The following NRG2 variants were observed in gnomAD, a reference collection of about 807,000 sequenced individuals.
The protein encoded by NRG2 is neuregulin 2.
In NRG2, 27 loss-of-function variants were observed where a neutral mutation model predicts 73.9. That is an observed-to-expected ratio of 0.37 (90% CI 0.27 to 0.50). The LOEUF is 0.50. Ranked by LOEUF, NRG2 falls within the 20% of genes least tolerant of loss-of-function variation. The pLI, the probability that NRG2 is intolerant of heterozygous loss-of-function variation, is 0.96. For synonymous variants in NRG2, 532 were observed against 541.0 expected (o/e 0.98, Z 0.23); for missense variants, 1,126 against 1,210.1 (o/e 0.93, Z 1.03).
intron 1 of NRG2, among the ~76,000 whole-genome samples, chr5:140,014,442 G>T (rs1393501189): frequency 6.6e-6 from 1 of 152,026 alleles, no homozygotes; most frequent in African/African-American, 2.4e-5. Flanking sequence ...TTGCCATGTT[G>T]CCCAGGCTGG....
At chr5:139,959,313 C>T (rs1754887234) in intron 1 of NRG2, among the ~76,000 whole-genome samples, 1 of 152,222 alleles carries the variant, frequency 6.6e-6, no homozygotes, top group Non-Finnish European at 1.5e-5. Flanking sequence ...GATTCTCCTG[C>T]CTCAGCCTCC....
At chr5:139,936,439 C>T (rs1053069424) in intron 1 of NRG2, among the ~76,000 whole-genome samples, 1 of 152,114 alleles carries the variant, frequency 6.6e-6, no homozygotes, top group Non-Finnish European at 1.5e-5. Flanking sequence ...AAAGGAACTA[C>T]TAATACTCAC....
At chr5:140,038,087 G>A (rs1761643948) in intron 1 of NRG2, among the ~76,000 whole-genome samples, 1 of 151,808 alleles carries the variant, frequency 6.6e-6, no homozygotes, top group Non-Finnish European at 1.5e-5. Context: ...TGAATTTTGA[G>A]CCATATAAAT....
intron 1 of NRG2, among the ~76,000 whole-genome samples, chr5:139,971,728 CT>C (rs781489925): frequency 1.3e-5 from 2 of 152,154 alleles, no homozygotes; most frequent in Non-Finnish European, 2.9e-5. Flanking sequence ...CGTGCAGGAT[CT>C]ATCAATAGAA....
chr5:140,042,821 G>T lies in NRG2; in HGVS notation c.249C>A (p.Ala83=), dbSNP rs1762044143. 6.7e-7 allele frequency: 1 copy of T among 1,496,986 alleles called. No individual in the cohort carries two copies. The allele number at this position is 1,496,986 out of a possible 1,614,324, so 92.7% of individuals were successfully genotyped here. Residue 83 remains alanine (A), a synonymous_variant, in exon 1 of 10, where the codon GCC becomes GCA. Transcript: ENST00000361474. ...PRSPAARRAA[A]RSRAAAAGGM... ...CGCCGGCGGCTGCGGCTCGCGAACG[G>T]GCGGCGGCTCTCCGGGCTGCGGGGC...
intron 1 of NRG2, 47 bp downstream of exon 1, chr5:140,042,323 A>T (rs1266584609): frequency 1.0e-6 from 1 of 976,634 alleles, no homozygotes; most frequent in South Asian, 2.8e-5. Flanking sequence ...ATTCTCCACC[A>T]CCTCGCCCCT....
At chr5:139,875,213 A>G (rs1020628860) in intron 3 of NRG2, among the ~76,000 whole-genome samples, 3 of 152,096 alleles carry the variant, frequency 2.0e-5, no homozygotes, top group African/African-American at 7.2e-5. Flanking sequence ...GGGTTTCACC[A>G]TGTTGGCCAG....
chr5:140,033,142 G>T (rs796844504), intron 1 of NRG2, among the ~76,000 whole-genome samples: 1 of 152,266 alleles, frequency 6.6e-6, no homozygotes, highest in African/African-American at 2.4e-5. Flanking sequence ...GAAGCCACCA[G>T]ATATATTACA....
chr5:139,848,493 TC>T lies in NRG2; in HGVS notation c.1976del (p.Gly659AspfsTer107). 8.7e-7 allele frequency: 1 copy of T among 1,148,348 alleles called. No homozygotes were observed. The highest frequency in any genetic ancestry group is 1.1e-6 in the Non-Finnish European group (1 of 924,870). 71.1% of individuals were successfully genotyped at this position (1,148,348 alleles called of 1,614,324 possible). A position where few individuals can be genotyped will look rare whatever the true frequency, so the allele number is the denominator to read the frequency against. On this transcript the variant is annotated frameshift_variant, in exon 10 of 10. Coordinates refer to ENST00000361474, the MANE Select transcript of NRG2 (RefSeq NM_004883.3). LOFTEE classifies it high-confidence loss of function. ...RHPAPPGPGP[G>X]PGPGPGPGAD... ...CGCCGGGCCCGGGCCCGGGCCCGGG[TC>T]CGGGTCCCGGGCCGGGGGGCGCCGG...
intron 1 of NRG2, among the ~76,000 whole-genome samples, chr5:139,989,492 T>C (rs933571905): frequency 6.6e-5 from 10 of 152,038 alleles, no homozygotes; most frequent in South Asian, 2.1e-4. Context: ...ACCTGAATCC[T>C]CACTCCCTTG....
intron 1 of NRG2, among the ~76,000 whole-genome samples, chr5:139,946,345 A>G (rs985715756): frequency 3.9e-5 from 6 of 152,112 alleles, no homozygotes; most frequent in Admixed American, 2.6e-4. Context: ...AGGATATAAA[A>G]GTAATGTAAT....
chr5:139,939,492 C>G (rs965490994), intron 1 of NRG2, among the ~76,000 whole-genome samples: 6 of 152,074 alleles, frequency 3.9e-5, no homozygotes, highest in Non-Finnish European at 7.4e-5. Context: ...CCAGGCTGGT[C>G]TTGAACTCCT....
intron 1 of NRG2, among the ~76,000 whole-genome samples, chr5:139,934,802 C>T (rs1160601078): frequency 6.6e-6 from 1 of 152,160 alleles, no homozygotes; most frequent in African/African-American, 2.4e-5. Flanking sequence ...AGGTATATGT[C>T]AGAGCAAATC....
At chr5:139,987,866 C>T (rs1038454673) in intron 1 of NRG2, among the ~76,000 whole-genome samples, 5 of 151,568 alleles carry the variant, frequency 3.3e-5, no homozygotes, top group Non-Finnish European at 5.9e-5. Flanking sequence ...GCTCCACCTC[C>T]CGGGTTCACG....
chr5:139,988,855 G>A (rs149617214), intron 1 of NRG2, among the ~76,000 whole-genome samples: 1,612 of 152,044 alleles, frequency 0.011, 35 homozygotes, highest in African/African-American at 0.037. Context: ...GGGGGATATT[G>A]TAATTGGGAG....
At chr5:139,905,289 T>C (rs945248850) in intron 1 of NRG2, among the ~76,000 whole-genome samples, 5 of 151,958 alleles carry the variant, frequency 3.3e-5, no homozygotes, top group Non-Finnish European at 7.4e-5. Flanking sequence ...CCTGCCTGGG[T>C]GTGGTGCTGA....
intron 1 of NRG2, among the ~76,000 whole-genome samples, chr5:140,030,791 T>G (rs1761080190): frequency 6.6e-6 from 1 of 152,148 alleles, no homozygotes; most frequent in African/African-American, 2.4e-5. Context: ...CTCTACATGG[T>G]GGGATTTTCT....
Position 139,848,543 on chromosome 5 carries a change from C to G in NRG2, c.1927G>C (p.Glu643Gln). The G allele has an allele frequency of 1.3e-6, 2 of 1,492,950 alleles. No individual in the cohort carries two copies. Among genetic ancestry groups the G allele is most frequent in the Non-Finnish European group, 8.8e-7 (1 of 1,132,856 alleles). The allele number at this position is 1,492,950 out of a possible 1,614,324, so 92.5% of individuals were successfully genotyped here. ...GGGTGCCGCAGTAACGGCTGCTGCT[C>G]GGCCAGGCGGTAACTGATGGGCGCC... ...PAAPISYRLA[E>Q]QQPLLRHPAP... is the part of the protein sequence containing the mutation. Residue 643 changes from glutamate (E) to glutamine (Q), a missense_variant, in exon 10 of 10, where the codon GAG becomes CAG. This residue lies in a region of NRG2 where 402 missense variants were observed against 357.8 expected (regional missense o/e 1.12). Coordinates refer to ENST00000361474, the MANE Select transcript of NRG2 (RefSeq NM_004883.3).
At chr5:139,923,137 T>C (rs921247144) in intron 1 of NRG2, among the ~76,000 whole-genome samples, 5 of 152,150 alleles carry the variant, frequency 3.3e-5, no homozygotes, top group African/African-American at 1.2e-4. Context: ...GGTTCGTCAA[T>C]TGTAACAAAC....
Sources: allele counts gnomAD v4.1 joint callset (sites outside exome capture counted in the v4.1 genomes callset), GRCh38; gene constraint gnomAD v4.1.1; regional missense constraint gnomAD v4.1.1; transcripts MANE v1.5; gene names NCBI Gene and HGNC (gene_info 2026-07-23, HGNC 2026-07-21).